The following MTHFD1L variants were observed in gnomAD, a reference collection of about 807,000 sequenced individuals.
MTHFD1L encodes the protein monofunctional C1-tetrahydrofolate synthase, mitochondrial.
MTHFD1L carries 81 observed loss-of-function variants against 119.5 expected under a neutral mutation model. That is an observed-to-expected ratio of 0.68 (90% CI 0.57 to 0.82). The LOEUF (loss-of-function observed/expected upper bound fraction) is 0.82. MTHFD1L is among the 40% of genes least tolerant of loss of function. MTHFD1L has a pLI of 0.00. For missense variants in MTHFD1L, 1,125 were observed against 1,253.4 expected, an observed-to-expected ratio of 0.90 and a Z score of 1.55; for synonymous variants, 430 against 475.2, an observed-to-expected ratio of 0.90 and a Z score of 1.24.
intron 26 of MTHFD1L, among the ~76,000 whole-genome samples, chr6:151,057,617 G>A (rs1790129775): frequency 6.6e-6 from 1 of 152,094 alleles, no homozygotes; most frequent in Non-Finnish European, 1.5e-5. Flanking sequence ...GGGCAACAGA[G>A]TGAGACCCTG....
intron 20 of MTHFD1L, among the ~76,000 whole-genome samples, chr6:150,984,665 T>TA (rs1219023786): frequency 6.6e-6 from 1 of 152,110 alleles, no homozygotes; most frequent in Admixed American, 6.5e-5. Context: ...TTTTTGAACT[T>TA]ACACATATTC....
intron 26 of MTHFD1L, among the ~76,000 whole-genome samples, chr6:151,089,771 G>A (rs966770893): frequency 6.6e-6 from 1 of 152,226 alleles, no homozygotes; most frequent in Non-Finnish European, 1.5e-5. Context: ...CAGTATAAGT[G>A]TGGTTTTCTT....
At chr6:151,056,119 T>G (rs923188197) in intron 26 of MTHFD1L, 2 of 152,186 alleles carry the variant, frequency 1.3e-5, no homozygotes, top group Non-Finnish European at 1.5e-5. Context: ...ACTCTGGAAC[T>G]CTCCTAAACC....
intron 26 of MTHFD1L, among the ~76,000 whole-genome samples, chr6:151,043,000 C>T (rs1787361369): frequency 6.6e-6 from 1 of 152,180 alleles, no homozygotes; most frequent in South Asian, 2.1e-4. Flanking sequence ...CATCACCTGG[C>T]CGGTCCTGGC....
At chr6:150,999,972 A>G (rs553454654) in intron 20 of MTHFD1L, among the ~76,000 whole-genome samples, 8 of 152,190 alleles carry the variant, frequency 5.3e-5, no homozygotes, top group Non-Finnish European at 7.3e-5. Flanking sequence ...ACCACCTCCA[A>G]TCTTCCCCTA....
chr6:151,085,648 G>A (rs1255833630), intron 26 of MTHFD1L, among the ~76,000 whole-genome samples: 5 of 152,144 alleles, frequency 3.3e-5, no homozygotes, highest in African/African-American at 7.2e-5. Flanking sequence ...GTGGGTGCCT[G>A]TAATCCCAGC....
rs1478361776 is a variant in MTHFD1L at position 151,034,552 on chromosome 6, T to C, written c.2646T>C (p.Ile882=). Residue 882 remains isoleucine, a synonymous_variant, in exon 25 of 28, where the codon ATT becomes ATC. Coordinates refer to ENST00000367321, the MANE Select transcript of MTHFD1L (RefSeq NM_015440.5). ...IAQAVYGAKD[I]ELSPEAQAKI... is the part of the protein sequence containing the mutation. ...AGGCTGTCTATGGAGCCAAAGATATTGAACTCTCTCCTGAGGCACAAGCCA... is the reference window on the plus strand; with the variant it reads ...AGGCTGTCTATGGAGCCAAAGATATCGAACTCTCTCCTGAGGCACAAGCCA... 2 of 1,611,942 alleles carry C rather than the reference T, an allele frequency of 1.2e-6. No homozygotes were observed. Among genetic ancestry groups the C allele is most frequent in the Non-Finnish European group, 1.7e-6 (2 of 1,179,810 alleles).
Position 150,941,907 on chromosome 6 carries a change from A to G in MTHFD1L, c.1441-2579A>G, listed in dbSNP as rs117055074. On this transcript the variant is annotated intron_variant, in intron 13 of 27. Coordinates refer to ENST00000367321, the MANE Select transcript of MTHFD1L (RefSeq NM_015440.5). ...AGTTCAATAGAAACATCGAAAAAGA[A>G]ATATTAACTAAATGCATATTCATCT... is the stretch of plus-strand genomic sequence containing the variant. 4.6e-4 allele frequency among the ~76,000 whole-genome samples: 70 copies of G among 152,336 alleles called. No individual in the cohort carries two copies. In the East Asian group the frequency reaches 0.012, roughly 27 times the overall value.
rs752022496 is a variant in MTHFD1L, at chr6:151,014,956, T to C, written c.2384T>C (p.Val795Ala). 42 of 1,613,990 alleles carry C rather than the reference T, an allele frequency of 2.6e-5. No individual in the cohort carries two copies. Among genetic ancestry groups the C allele is most frequent in the Admixed American group, 3.3e-5 (2 of 60,000 alleles). ...IQITQLFGVP[V>A]VVALNVFKTD... ...ATCACTCAGCTCTTTGGGGTTCCCGTTGTGGTGGCTCTGAATGTCTTCAAG... is the reference window on the plus strand; with the variant it reads ...ATCACTCAGCTCTTTGGGGTTCCCGCTGTGGTGGCTCTGAATGTCTTCAAG... Residue 795 changes from valine to alanine, a missense_variant, in exon 23 of 28, where the codon GTT becomes GCT. Physicochemically the swap from Val to Ala is moderately conservative, Grantham distance 64 (BLOSUM62 0). This residue lies in a region of MTHFD1L where 1,058 missense variants were observed against 1,151.2 expected (regional missense o/e 0.92). Transcript: ENST00000367321.
chr6:150,895,549 T>G (rs1307108722), intron 7 of MTHFD1L, among the ~76,000 whole-genome samples: 1 of 151,754 alleles, frequency 6.6e-6, no homozygotes, highest in Non-Finnish European at 1.5e-5. Flanking sequence ...AAACTGGTAT[T>G]CACAGAAGGA....
At chr6:151,097,361 A>G (rs897485529) in intron 27 of MTHFD1L, among the ~76,000 whole-genome samples, 1 of 152,260 alleles carries the variant, frequency 6.6e-6, no homozygotes, top group Non-Finnish European at 1.5e-5. Flanking sequence ...GCTTTAGGGC[A>G]TCTACAGACA....
chr6:150,971,154 A>G (rs1797952839), intron 19 of MTHFD1L, among the ~76,000 whole-genome samples: 1 of 152,188 alleles, frequency 6.6e-6, no homozygotes, highest in African/African-American at 2.4e-5. Flanking sequence ...CCACCTGTGT[A>G]TTCATAAACA....
chr6:150,871,084 T>C (rs998352744), intron 1 of MTHFD1L, among the ~76,000 whole-genome samples: 54 of 145,028 alleles, frequency 3.7e-4, no homozygotes, highest in African/African-American at 1.3e-3. Context: ...CTTAATTATA[T>C]ATATACACAC....
intron 7 of MTHFD1L, among the ~76,000 whole-genome samples, chr6:150,888,707 A>G (rs186742338): frequency 6.6e-6 from 1 of 152,324 alleles, no homozygotes; most frequent in East Asian, 1.9e-4. Context: ...AGTCAAGACA[A>G]TTTTGTGGAA....
At chr6:151,091,202 C>T (rs74817610) in intron 26 of MTHFD1L, among the ~76,000 whole-genome samples, 7 of 84,902 alleles carry the variant, frequency 8.2e-5, no homozygotes, top group South Asian at 4.4e-4. Context: ...TCGTTCCATG[C>T]GACTGGGTGC....
intron 26 of MTHFD1L, among the ~76,000 whole-genome samples, chr6:151,045,049 T>C (rs1433631646): frequency 6.6e-6 from 1 of 152,208 alleles, no homozygotes; most frequent in Non-Finnish European, 1.5e-5. Context: ...GTGATGAAGT[T>C]ATTTGTGAAC....
intron 1 of MTHFD1L, among the ~76,000 whole-genome samples, chr6:150,869,329 C>T (rs1379747626): frequency 1.3e-5 from 2 of 151,986 alleles, no homozygotes; most frequent in Non-Finnish European, 2.9e-5. Flanking sequence ...CTCCTCTTGC[C>T]CTCCCACCCC....
intron 26 of MTHFD1L, among the ~76,000 whole-genome samples, chr6:151,067,084 C>A (rs957555411): frequency 6.6e-6 from 1 of 150,840 alleles, no homozygotes; most frequent in Non-Finnish European, 1.5e-5. Flanking sequence ...ACCTCTGCCT[C>A]CTGGGTTTAA....
chr6:151,080,147 C>A (rs1490180974), intron 26 of MTHFD1L, among the ~76,000 whole-genome samples: 1 of 152,044 alleles, frequency 6.6e-6, no homozygotes, highest in Non-Finnish European at 1.5e-5. Flanking sequence ...CATTGCACTC[C>A]AGCCTGGATG....
Sources: gnomAD v4.1 joint callset for allele counts (sites outside exome capture counted in the v4.1 genomes callset) on GRCh38, gnomAD v4.1.1 for gene constraint, gnomAD v4.1.1 regional missense constraint, MANE v1.5 for transcripts, NCBI Gene and HGNC (gene_info 2026-07-23, HGNC 2026-07-21) for gene names.